Variants in SPAG16 observed in about 807,000 individuals in gnomAD.
SPAG16 encodes the protein sperm associated antigen 16.
In SPAG16, 86 loss-of-function variants were observed where a neutral mutation model predicts 80.4. The ratio of observed to expected loss-of-function variants is 1.07; its 90% CI spans 0.90 to 1.28. The LOEUF (loss-of-function observed/expected upper bound fraction) is 1.28, where lower values mean the gene tolerates loss of function less well. SPAG16 is among the 50% of genes most tolerant of loss of function. The pLI is 0.00. For synonymous variants in SPAG16, 294 were observed against 265.9 expected (o/e 1.11, Z -1.03); for missense variants, 870 against 765.3 (o/e 1.14, Z -1.61).
chr2:214,075,077 A>G (rs1461044630), intron 13 of SPAG16, among the ~76,000 whole-genome samples: 1 of 152,154 alleles, frequency 6.6e-6, no homozygotes, highest in Non-Finnish European at 1.5e-5. Flanking sequence ...ATTGAATTTT[A>G]TAATCTTTTA....
chr2:213,636,550 G>A (rs1424331744), intron 10 of SPAG16, among the ~76,000 whole-genome samples: 1 of 152,096 alleles, frequency 6.6e-6, no homozygotes, highest in Non-Finnish European at 1.5e-5. Flanking sequence ...TTGGCAGTAT[G>A]GTCATATTTA....
chr2:213,588,468 A>G (rs1223991018), intron 10 of SPAG16, among the ~76,000 whole-genome samples: 1 of 148,348 alleles, frequency 6.7e-6, no homozygotes, highest in African/African-American at 2.5e-5. Context: ...TTTTTTTTGT[A>G]AGGGAATCCA....
chr2:213,762,591 T>A (rs2068722795), intron 10 of SPAG16, among the ~76,000 whole-genome samples: 1 of 152,128 alleles, frequency 6.6e-6, no homozygotes, highest in South Asian at 2.1e-4. Flanking sequence ...TACCCTCATG[T>A]AAAAGAATGA....
intron 9 of SPAG16, among the ~76,000 whole-genome samples, chr2:213,402,826 T>G (rs2068394503): frequency 6.6e-6 from 1 of 152,238 alleles, no homozygotes; most frequent in Non-Finnish European, 1.5e-5. Flanking sequence ...CAGTCTATCG[T>G]TGTTGGACAT....
At chr2:213,335,752 A>C (rs1338033987) in intron 5 of SPAG16, among the ~76,000 whole-genome samples, 1 of 152,132 alleles carries the variant, frequency 6.6e-6, no homozygotes, top group Admixed American at 6.6e-5. Context: ...TTAGGTGGAG[A>C]AAGTTCACCA....
intron 10 of SPAG16, among the ~76,000 whole-genome samples, chr2:213,746,717 G>T (rs746097124): frequency 3.3e-5 from 5 of 152,170 alleles, no homozygotes; most frequent in African/African-American, 7.2e-5. Context: ...TGAGGCAGGA[G>T]AATCACTTGA....
chr2:213,939,236 A>G (rs1239146616), intron 12 of SPAG16, among the ~76,000 whole-genome samples: 4 of 152,198 alleles, frequency 2.6e-5, no homozygotes, highest in Non-Finnish European at 4.4e-5. Flanking sequence ...TTTACCAACT[A>G]TGTACCAAGT....
At chr2:214,357,569 T>C (rs1050359668) in intron 15 of SPAG16, among the ~76,000 whole-genome samples, 3 of 151,974 alleles carry the variant, frequency 2.0e-5, no homozygotes, top group African/African-American at 7.2e-5. Context: ...CTCTAAAATG[T>C]GACTAGACAT....
intron 15 of SPAG16, among the ~76,000 whole-genome samples, chr2:214,257,593 G>A (rs377313645): frequency 1.1e-4 from 16 of 152,068 alleles, no homozygotes; most frequent in African/African-American, 3.4e-4. Flanking sequence ...AAATGACCAT[G>A]TAATTGTTTC....
intron 9 of SPAG16, among the ~76,000 whole-genome samples, chr2:213,412,266 T>A (rs543190662): frequency 9.2e-5 from 14 of 152,294 alleles, no homozygotes; most frequent in African/African-American, 3.4e-4. Context: ...GGAATTAGTT[T>A]AACCTGTGTG....
chr2:213,305,692 A>C (rs1438303472), intron 3 of SPAG16, among the ~76,000 whole-genome samples: 1 of 152,174 alleles, frequency 6.6e-6, no homozygotes, highest in Non-Finnish European at 1.5e-5. Context: ...CCATCCTTGC[A>C]TTCCAAGGAT....
At chr2:213,423,114 G>T (rs1169484413) in intron 9 of SPAG16, among the ~76,000 whole-genome samples, 1 of 152,232 alleles carries the variant, frequency 6.6e-6, no homozygotes, top group African/African-American at 2.4e-5. Flanking sequence ...CATTTAGGGA[G>T]ATGAATCATT....
chr2:213,928,372 G>A (rs1460454706), intron 11 of SPAG16, among the ~76,000 whole-genome samples: 1 of 151,710 alleles, frequency 6.6e-6, no homozygotes, highest in Non-Finnish European at 1.5e-5. Flanking sequence ...GATTACAGGT[G>A]TGAGCCATCA....
rs187899024 is a variant in SPAG16 at position 213,586,485 on chromosome 2, A to G, written c.1070+96395A>G. On this transcript the variant is annotated intron_variant, in intron 10 of 15. Transcript: ENST00000331683. ...ACCTTAAGAGTTAGGATTTCAAAAT[A>G]CAGATTTTGGGGAGGACCCAAGCAT... Among the ~76,000 whole-genome samples, 15 of 152,324 alleles carry G rather than the reference A, an allele frequency of 9.8e-5. No individual in the cohort carries two copies. In the East Asian group the frequency reaches 2.9e-3, roughly 29 times the overall value.
intron 10 of SPAG16, among the ~76,000 whole-genome samples, chr2:213,598,241 C>G (rs2060946703): frequency 6.6e-6 from 1 of 152,130 alleles, no homozygotes; most frequent in Admixed American, 6.5e-5. Flanking sequence ...TATTAATCTG[C>G]CTTTGTCAGT....
At chr2:213,450,831 A>C (rs1465214609) in intron 9 of SPAG16, among the ~76,000 whole-genome samples, 1 of 152,132 alleles carries the variant, frequency 6.6e-6, no homozygotes, top group Non-Finnish European at 1.5e-5. Flanking sequence ...CCATACATAT[A>C]ATTTTTTTCT....
intron 5 of SPAG16, among the ~76,000 whole-genome samples, chr2:213,336,206 G>C (rs1016807488): frequency 2.0e-5 from 3 of 152,144 alleles, no homozygotes; most frequent in Non-Finnish European, 4.4e-5. Context: ...TTCCCCTTGC[G>C]AGCCCACGCC....
Position 213,572,968 on chromosome 2 carries a change from A to G in SPAG16, c.1070+82878A>G, listed in dbSNP as rs563539390. Among the ~76,000 whole-genome samples, 720 of 152,290 alleles carry G rather than the reference A, an allele frequency of 4.7e-3. 5 individuals carry two copies. The highest frequency in any genetic ancestry group is 0.016 in the African/African-American group (683 of 41,546). The stretch of plus-strand genomic sequence containing the variant: ...CGCCGCTTTTTAAGCCGGTCTGAAA[A>G]GCGCAATATTCGGGTGGGAGTGACC... On this transcript the variant is annotated intron_variant, in intron 10 of 15. Coordinates refer to ENST00000331683, the MANE Select transcript of SPAG16 (RefSeq NM_024532.5).
At chr2:213,948,541 A>G (rs1458686403) in intron 12 of SPAG16, among the ~76,000 whole-genome samples, 1 of 152,180 alleles carries the variant, frequency 6.6e-6, no homozygotes, top group East Asian at 1.9e-4. Flanking sequence ...CTGGTGGTTT[A>G]GGAATATGCA....
Sources: allele counts gnomAD v4.1 joint callset (sites outside exome capture counted in the v4.1 genomes callset), GRCh38; gene constraint gnomAD v4.1.1; transcripts MANE v1.5; gene names NCBI Gene and HGNC (gene_info 2026-07-23, HGNC 2026-07-21).